OSBPL6: variants seen among roughly 807,000 people sequenced by gnomAD.
OSBPL6 encodes the protein oxysterol binding protein like 6.
OSBPL6 carries 49 observed loss-of-function variants against 125.8 expected under a neutral mutation model. The observed-to-expected ratio is 0.39, with a 90% CI of 0.31 to 0.49. OSBPL6 has a LOEUF of 0.49. Ranked by LOEUF, OSBPL6 falls within the 20% of genes least tolerant of loss-of-function variation. The pLI, the probability that OSBPL6 is intolerant of heterozygous loss-of-function variation, is 0.88. For synonymous variants in OSBPL6, 394 were observed against 391.8 expected (o/e 1.01, Z -0.07); for missense variants, 986 against 1,135.4 (o/e 0.87, Z 1.89).
chr2:178,323,366 A>G (rs1688411624), intron 3 of OSBPL6, among the ~76,000 whole-genome samples: 1 of 152,176 alleles, frequency 6.6e-6, no homozygotes, highest in African/African-American at 2.4e-5. Context: ...TTTGTAAAAG[A>G]CACCTACCGT....
intron 2 of OSBPL6, among the ~76,000 whole-genome samples, chr2:178,301,720 C>T (rs1686307364): frequency 6.6e-6 from 1 of 152,156 alleles, no homozygotes; most frequent in African/African-American, 2.4e-5. Flanking sequence ...GCCAATAAAA[C>T]GTGAGTGAGC....
At chr2:178,259,790 G>A (rs1264561132) in intron 1 of OSBPL6, among the ~76,000 whole-genome samples, 4 of 152,148 alleles carry the variant, frequency 2.6e-5, no homozygotes, top group East Asian at 1.9e-4. Flanking sequence ...GAAAGTTTGC[G>A]GGCTGATATT....
At chr2:178,305,538 C>T (rs1686683652) in intron 2 of OSBPL6, among the ~76,000 whole-genome samples, 1 of 152,212 alleles carries the variant, frequency 6.6e-6, no homozygotes, top group African/African-American at 2.4e-5. Context: ...TATATGTATT[C>T]CTGGATCCTT....
chr2:178,221,232 G>T (rs984324683), intron 1 of OSBPL6, among the ~76,000 whole-genome samples: 5 of 152,172 alleles, frequency 3.3e-5, no homozygotes, highest in Admixed American at 6.5e-5. Context: ...AATAAGAAAA[G>T]AAGATAAATA....
At position 178,395,688 on chromosome 2, in the gene OSBPL6, C is replaced by A; in HGVS notation, c.*129C>A. 3.6e-6 allele frequency: 2 copies of A among 555,658 alleles called. No homozygotes were observed. Among genetic ancestry groups the A allele is most frequent in the Non-Finnish European group, 3.1e-6 (1 of 325,562 alleles). The allele number at this position is 555,658 out of a possible 1,614,324, so 34.4% of individuals were successfully genotyped here. ...ACCTACCATTTGCTTTTCTATTCAT[C>A]TTTATAATGGACTTTCAGAAGTGCA... On this transcript the variant is annotated 3_prime_UTR_variant, in exon 25 of 25. Coordinates refer to ENST00000190611, the MANE Select transcript of OSBPL6 (RefSeq NM_032523.4).
intron 11 of OSBPL6, among the ~76,000 whole-genome samples, chr2:178,348,825 A>G (rs2154089561): frequency 6.6e-6 from 1 of 152,318 alleles, no homozygotes; most frequent in Middle Eastern, 3.4e-3. Context: ...AGGTTTAGTA[A>G]GATCCTGCTC....
At chr2:178,351,223 G>A (rs1691225011) in intron 12 of OSBPL6, among the ~76,000 whole-genome samples, 1 of 151,962 alleles carries the variant, frequency 6.6e-6, no homozygotes, top group South Asian at 2.1e-4. Context: ...TGTTCAACAT[G>A]GTACTGGAAG....
chr2:178,290,024 G>T (rs367887604), intron 2 of OSBPL6, among the ~76,000 whole-genome samples: 5 of 152,106 alleles, frequency 3.3e-5, no homozygotes, highest in African/African-American at 1.2e-4. Flanking sequence ...AGAACATCCT[G>T]ATCCCCCTGT....
At chr2:178,218,984 C>T (rs1319747220) in intron 1 of OSBPL6, among the ~76,000 whole-genome samples, 1 of 151,080 alleles carries the variant, frequency 6.6e-6, no homozygotes, top group Non-Finnish European at 1.5e-5. Flanking sequence ...TAATTCTTTG[C>T]TTTTTTTTTA....
At chr2:178,288,883 C>G (rs1331374964) in intron 2 of OSBPL6, among the ~76,000 whole-genome samples, 1 of 151,936 alleles carries the variant, frequency 6.6e-6, no homozygotes, top group Non-Finnish European at 1.5e-5. Context: ...CTCCTGACCT[C>G]AAGTGATCCA....
intron 1 of OSBPL6, among the ~76,000 whole-genome samples, chr2:178,238,271 C>T (rs956427787): frequency 6.6e-6 from 1 of 152,150 alleles, no homozygotes; most frequent in Non-Finnish European, 1.5e-5. Flanking sequence ...AATCTCATGC[C>T]GCCCTGCTCT....
intron 19 of OSBPL6, among the ~76,000 whole-genome samples, chr2:178,386,322 C>T (rs529434432): frequency 6.6e-6 from 1 of 152,282 alleles, no homozygotes; most frequent in South Asian, 2.1e-4. Context: ...GTGGTTATCA[C>T]AAATGCACAA....
At chr2:178,391,699 A>G (rs1274757228) in intron 22 of OSBPL6, among the ~76,000 whole-genome samples, 1 of 152,276 alleles carries the variant, frequency 6.6e-6, no homozygotes, top group East Asian at 1.9e-4. Flanking sequence ...TTAATAAAAG[A>G]CATCAAAAGA....
chr2:178,345,624 A>G (rs1415519161), intron 11 of OSBPL6, among the ~76,000 whole-genome samples: 3 of 152,180 alleles, frequency 2.0e-5, no homozygotes, highest in African/African-American at 7.2e-5. Flanking sequence ...GATTCTGACA[A>G]TAGATGCATA....
chr2:178,228,331 C>G (rs186505427), intron 1 of OSBPL6, among the ~76,000 whole-genome samples: 112 of 152,244 alleles, frequency 7.4e-4, no homozygotes, highest in South Asian at 7.0e-3. Flanking sequence ...GTCAGGAGAT[C>G]GAGACCATCC....
rs537467858 is a variant in OSBPL6, at chr2:178,352,172, T to A, written c.1153+2783T>A. 1.7e-4 allele frequency among the ~76,000 whole-genome samples: 26 copies of A among 152,324 alleles called. 1 individual carries two copies. The highest frequency in any genetic ancestry group is 1.0e-3 in the Admixed American group (16 of 15,300). On this transcript the variant is annotated intron_variant, in intron 12 of 24. Coordinates refer to ENST00000190611, the MANE Select transcript of OSBPL6 (RefSeq NM_032523.4). ...ATTCTGCAGCTCCCAGTGTGATCAA[T>A]GCAGAAGATGGGTGATTTCTGCATT...
intron 1 of OSBPL6, among the ~76,000 whole-genome samples, chr2:178,269,470 A>T (rs556584412): frequency 4.8e-4 from 73 of 152,310 alleles, no homozygotes; most frequent in African/African-American, 1.7e-3. Context: ...GTTGCCAAAC[A>T]TTTTTCTAAA....
chr2:178,329,296 A>G (rs1185779757), intron 5 of OSBPL6, among the ~76,000 whole-genome samples: 1 of 152,204 alleles, frequency 6.6e-6, no homozygotes, highest in Non-Finnish European at 1.5e-5. Flanking sequence ...AGTTTAAATT[A>G]TAGAGAAAAT....
intron 1 of OSBPL6, among the ~76,000 whole-genome samples, chr2:178,237,244 C>T (rs191844494): frequency 8.7e-4 from 132 of 152,252 alleles, no homozygotes; most frequent in African/African-American, 2.7e-3. Flanking sequence ...AAGTGTTTTC[C>T]TCGCCAAGAC....
Sources: gnomAD v4.1 joint callset for allele counts (sites outside exome capture counted in the v4.1 genomes callset) on GRCh38, gnomAD v4.1.1 for gene constraint, MANE v1.5 for transcripts, NCBI Gene and HGNC (gene_info 2026-07-23, HGNC 2026-07-21) for gene names.